Variants in PPFIA2 observed in about 807,000 individuals in gnomAD.
The protein encoded by PPFIA2 is liprin-alpha-2.
A neutral mutation model predicts 175.5 loss-of-function variants in PPFIA2; 46 were observed. The observed-to-expected ratio is 0.26, with a 90% CI of 0.21 to 0.34. The LOEUF is 0.34. Ranked by LOEUF, PPFIA2 falls within the 10% of genes least tolerant of loss-of-function variation. The pLI is 1.00. For synonymous variants in PPFIA2, 568 were observed against 511.4 expected (o/e 1.11, Z -1.49); for missense variants, 1,179 against 1,506.1 (o/e 0.78, Z 3.60).
intron 4 of PPFIA2, among the ~76,000 whole-genome samples, chr12:81,535,173 C>A (rs1243839861): frequency 6.6e-6 from 1 of 151,674 alleles, no homozygotes; most frequent in African/African-American, 2.4e-5. Context: ...GTTGAGTAGA[C>A]ATGAGAGCAG....
chr12:81,720,368 C>A (rs577499801), intron 3 of PPFIA2, among the ~76,000 whole-genome samples: 1 of 151,546 alleles, frequency 6.6e-6, no homozygotes, highest in Admixed American at 6.6e-5. Context: ...AATGCACATA[C>A]TAACTTCATT....
Position 81,412,563 on chromosome 12 carries a change from A to C in PPFIA2, c.646-6660T>G, listed in dbSNP as rs143731327. On this transcript the variant is annotated intron_variant, in intron 7 of 32. Coordinates refer to ENST00000549396, the MANE Select transcript of PPFIA2 (RefSeq NM_003625.5). ...CAACAACCACAATTGCTTTTGCACCAACCTAATAATAATCAGGTACAAGTA... is the reference window on the plus strand; with the variant it reads ...CAACAACCACAATTGCTTTTGCACCCACCTAATAATAATCAGGTACAAGTA... 1.3e-3 allele frequency among the ~76,000 whole-genome samples: 197 copies of C among 152,042 alleles called. 1 individual carries two copies. Among genetic ancestry groups the C allele is most frequent in the East Asian group, 8.7e-3 (45 of 5,170 alleles).
At chr12:81,731,339 T>C (rs1248693639) in intron 3 of PPFIA2, among the ~76,000 whole-genome samples, 3 of 151,708 alleles carry the variant, frequency 2.0e-5, no homozygotes, top group Admixed American at 6.6e-5. Flanking sequence ...CAGTGTGAAA[T>C]ACCTGAATCT....
chr12:81,659,720 C>A (rs1596107079), intron 4 of PPFIA2, among the ~76,000 whole-genome samples: 1 of 152,282 alleles, frequency 6.6e-6, no homozygotes, highest in East Asian at 1.9e-4. Flanking sequence ...GTTCTCCCAG[C>A]ATGCAGCTTG....
rs144775535 is a variant in PPFIA2 at position 81,539,900 on chromosome 12, T to G, written c.304-82034A>C. On this transcript the variant is annotated intron_variant, in intron 4 of 32. Coordinates refer to ENST00000549396, the MANE Select transcript of PPFIA2 (RefSeq NM_003625.5). The stretch of plus-strand genomic sequence containing the variant: ...ATTGCTTAGAATAAGTTTTATTCCC[T>G]CAATTTGATTTCACTAAGTTCAATT... Among the ~76,000 whole-genome samples the G allele has an allele frequency of 4.8e-3, 730 of 152,178 alleles. 3 individuals carry two copies. Among genetic ancestry groups the G allele is most frequent in the Middle Eastern group, 0.034 (10 of 294 alleles).
At chr12:81,656,766 T>C (rs2067855500) in intron 4 of PPFIA2, among the ~76,000 whole-genome samples, 2 of 151,650 alleles carry the variant, frequency 1.3e-5, no homozygotes, top group Non-Finnish European at 2.9e-5. Context: ...TTTGGTAAAA[T>C]ATTAAATATT....
At chr12:81,636,199 T>G (rs935397502) in intron 4 of PPFIA2, among the ~76,000 whole-genome samples, 9 of 152,132 alleles carry the variant, frequency 5.9e-5, no homozygotes, top group African/African-American at 2.2e-4. Flanking sequence ...TAGACATTAA[T>G]CTCTATTGGC....
intron 4 of PPFIA2, among the ~76,000 whole-genome samples, chr12:81,524,304 C>T (rs960372571): frequency 6.6e-6 from 1 of 152,126 alleles, no homozygotes; most frequent in Non-Finnish European, 1.5e-5. Context: ...AGCAGGGATG[C>T]CTGGAGCCCT....
intron 4 of PPFIA2, among the ~76,000 whole-genome samples, chr12:81,511,372 C>A (rs2061776591): frequency 6.6e-6 from 1 of 151,878 alleles, no homozygotes; most frequent in African/African-American, 2.4e-5. Context: ...TCAAGGAAAA[C>A]ATTATAAGAA....
In PPFIA2 at chr12:81,742,042, C is replaced by T. The variant is rs138834244; in HGVS notation, c.249+11931G>A. Among the ~76,000 whole-genome samples the T allele has an allele frequency of 3.7e-3, 568 of 152,166 alleles. 3 individuals carry two copies. The highest frequency in any genetic ancestry group is 0.012 in the African/African-American group (508 of 41,502). On this transcript the variant is annotated intron_variant, in intron 3 of 32. Coordinates refer to ENST00000549396, the MANE Select transcript of PPFIA2 (RefSeq NM_003625.5). The stretch of plus-strand genomic sequence containing the variant: ...AGCCTAGAGAGCAGCCGCAGCAGTC[C>T]CTAAGGCAGTTGAATCCCTGACCCG...
chr12:81,532,520 C>T (rs987264983), intron 4 of PPFIA2, among the ~76,000 whole-genome samples: 3 of 151,580 alleles, frequency 2.0e-5, no homozygotes, highest in Non-Finnish European at 1.5e-5. Context: ...TTCCATTGCT[C>T]GCAAACAAAA....
Position 81,312,445 on chromosome 12 carries a change from T to C in PPFIA2, c.2643-13063A>G. Reference sequence around the variant, plus strand: ...ACTCTGAAACATGCATGACCACATTTTCCCAGCCTCGAGTACATCCCAGGA... The same window carrying C: ...ACTCTGAAACATGCATGACCACATTCTCCCAGCCTCGAGTACATCCCAGGA... On this transcript the variant is annotated intron_variant, in intron 22 of 32. Transcript: ENST00000549396. 5 of 421,442 alleles carry C rather than the reference T, an allele frequency of 1.2e-5. No individual in the cohort carries two copies. The East Asian group carries it at 1.7e-4, about 14-fold the overall frequency. 26.1% of individuals were successfully genotyped at this position (421,442 alleles called of 1,614,324 possible). A position where few individuals can be genotyped will look rare whatever the true frequency, so the allele number is the denominator to read the frequency against.
chr12:81,548,047 C>A (rs898636304), intron 4 of PPFIA2, among the ~76,000 whole-genome samples: 20 of 152,144 alleles, frequency 1.3e-4, no homozygotes, highest in Admixed American at 5.2e-4. Context: ...TTTCAATCAG[C>A]TTTCCAAATA....
intron 4 of PPFIA2, among the ~76,000 whole-genome samples, chr12:81,596,416 A>G (rs910259267): frequency 6.6e-6 from 1 of 152,120 alleles, no homozygotes; most frequent in Non-Finnish European, 1.5e-5. Context: ...ATGTAGAAGA[A>G]CAGAGTTTAT....
chr12:81,478,692 A>G (rs2057797177), intron 4 of PPFIA2, among the ~76,000 whole-genome samples: 2 of 152,144 alleles, frequency 1.3e-5, no homozygotes, highest in Non-Finnish European at 2.9e-5. Context: ...GTCATTCAGG[A>G]GCAGGTTATC....
intron 32 of PPFIA2, 123 bp from the exon 33 acceptor site, chr12:81,259,783 G>T: frequency 1.3e-6 from 1 of 748,460 alleles, no homozygotes; most frequent in East Asian, 2.8e-5. Context: ...ATCATGAGAA[G>T]GAAATCATCT....
chr12:81,651,765 A>C (rs2067057091), intron 4 of PPFIA2, among the ~76,000 whole-genome samples: 2 of 152,164 alleles, frequency 1.3e-5, no homozygotes, highest in South Asian at 2.1e-4. Context: ...ATAAGTGATA[A>C]AATTGGAATT....
chr12:81,628,581 G>T (rs563760055), intron 4 of PPFIA2, among the ~76,000 whole-genome samples: 1 of 152,100 alleles, frequency 6.6e-6, no homozygotes, highest in Non-Finnish European at 1.5e-5. Flanking sequence ...GTTTCACCAT[G>T]TTGGCCAGCC....
chr12:81,665,214 T>C (rs987846844), intron 4 of PPFIA2, among the ~76,000 whole-genome samples: 2 of 151,930 alleles, frequency 1.3e-5, no homozygotes, highest in Non-Finnish European at 2.9e-5. Context: ...AAATTTACGG[T>C]ACATCAAAAG....
Sources: allele counts gnomAD v4.1 joint callset (sites outside exome capture counted in the v4.1 genomes callset), GRCh38; gene constraint gnomAD v4.1.1; transcripts MANE v1.5; gene names NCBI Gene and HGNC (gene_info 2026-07-23, HGNC 2026-07-21).